The following NDUFA10 variants were observed in gnomAD, a reference collection of about 807,000 sequenced individuals.
NDUFA10 encodes the protein NADH:ubiquinone oxidoreductase subunit A10.
Under a neutral mutation model 47.8 loss-of-function variants are expected in NDUFA10, and 40 were observed. That is an observed-to-expected ratio of 0.84 (90% CI 0.65 to 1.09). The LOEUF is 1.09. NDUFA10 is among the 50% of genes least tolerant of loss of function. The pLI, the probability that NDUFA10 is intolerant of heterozygous loss-of-function variation, is 0.00. For missense variants in NDUFA10, 413 were observed against 451.1 expected (o/e 0.92, Z 0.76); for synonymous variants, 183 against 172.2 (o/e 1.06, Z -0.49).
At chr2:240,022,526 G>GT (rs1697667132) in intron 1 of NDUFA10, among the ~76,000 whole-genome samples, 186 bp from the exon 2 acceptor site, 1 of 151,216 alleles carries the variant, frequency 6.6e-6, no homozygotes, top group South Asian at 2.1e-4. Context: ...TGTAAGTTTC[G>GT]TTAAAGGCAG....
At chr2:239,896,309 G>C (rs1414298750) in intron 4 of NDUFA10, among the ~76,000 whole-genome samples, 1 of 152,248 alleles carries the variant, frequency 6.6e-6, no homozygotes, top group Non-Finnish European at 1.5e-5. Context: ...AAGGTATCAA[G>C]ATTCAGGGCA....
rs540024087 is a variant in NDUFA10, at chr2:239,916,147, A to G, written c.295-20833T>C. Reference sequence around the variant, plus strand: ...CATAGACACACACAAATATACAGACACACACAGAGAGACACACAGAGATAC... The same window carrying G: ...CATAGACACACACAAATATACAGACGCACACAGAGAGACACACAGAGATAC... On this transcript the variant is annotated intron_variant, in intron 4 of 5. Coordinates refer to the NDUFA10 transcript ENST00000419408. 4.0e-3 allele frequency among the ~76,000 whole-genome samples: 608 copies of G among 151,892 alleles called. 3 individuals carry two copies. The highest frequency in any genetic ancestry group is 0.014 in the African/African-American group (586 of 41,424).
At chr2:240,020,401 G>A (rs1015628193) in intron 3 of NDUFA10, among the ~76,000 whole-genome samples, 35 of 152,186 alleles carry the variant, frequency 2.3e-4, no homozygotes, top group African/African-American at 8.2e-4. Context: ...ACTGAGGACC[G>A]CCGTGGCATG....
intron 4 of NDUFA10, among the ~76,000 whole-genome samples, chr2:239,912,364 A>G (rs1259928842): frequency 6.6e-6 from 1 of 152,190 alleles, no homozygotes; most frequent in Non-Finnish European, 1.5e-5. Context: ...TCCAGGCTGT[A>G]GCTGATAGTC....
chr2:240,011,456 T>C (rs563341850), intron 6 of NDUFA10, among the ~76,000 whole-genome samples, 161 bp downstream of exon 6: 1 of 152,138 alleles, frequency 6.6e-6, no homozygotes, highest in South Asian at 2.1e-4. Flanking sequence ...AAAATCAAAC[T>C]GAAATGTCTC....
intron 8 of NDUFA10, among the ~76,000 whole-genome samples, chr2:240,004,646 C>T (rs980747914): frequency 1.3e-5 from 2 of 152,098 alleles, no homozygotes; most frequent in African/African-American, 4.8e-5. Context: ...GTGGCCTCCC[C>T]TCCCCACACT....
chr2:240,012,813 T>C (rs1697193503), intron 5 of NDUFA10: 1 of 152,170 alleles, frequency 6.6e-6, no homozygotes, highest in Non-Finnish European at 1.5e-5. Context: ...AAGGCAGTAA[T>C]TGGGAGTTCT....
At chr2:239,911,400 C>A (rs1693752103) in intron 4 of NDUFA10, among the ~76,000 whole-genome samples, 1 of 152,140 alleles carries the variant, frequency 6.6e-6, no homozygotes, top group Admixed American at 6.5e-5. Context: ...CTCTGCAAAC[C>A]CTGGGGGACT....
At chr2:239,909,686 G>C (rs1341367536) in intron 4 of NDUFA10, among the ~76,000 whole-genome samples, 3 of 150,488 alleles carry the variant, frequency 2.0e-5, no homozygotes, top group Non-Finnish European at 4.4e-5. Flanking sequence ...CATAGGCATG[G>C]GCAAAGATTT....
At chr2:239,947,787 G>A (rs115396009) in intron 4 of NDUFA10, among the ~76,000 whole-genome samples, 12 of 152,342 alleles carry the variant, frequency 7.9e-5, no homozygotes, top group South Asian at 2.1e-4. Context: ...CAGGAAGCAC[G>A]GGGTGGTGCC....
At chr2:239,971,925 T>C (rs1180052616) in intron 9 of NDUFA10, among the ~76,000 whole-genome samples, 2 of 152,202 alleles carry the variant, frequency 1.3e-5, no homozygotes, top group Non-Finnish European at 2.9e-5. Flanking sequence ...TAAAGGTATG[T>C]TGCTCAAGGT....
At chr2:240,000,778 A>G (rs1696677416) in intron 8 of NDUFA10, among the ~76,000 whole-genome samples, 1 of 152,224 alleles carries the variant, frequency 6.6e-6, no homozygotes, top group East Asian at 1.9e-4. Flanking sequence ...CCGTCGTGTT[A>G]CAACTGCCAA....
At chr2:240,014,597 T>C (rs911947068) in intron 5 of NDUFA10, 142 bp downstream of exon 5, 3 of 1,344,346 alleles carry the variant, frequency 2.2e-6, no homozygotes, top group Non-Finnish European at 3.2e-6. Context: ...GCAGATGCCC[T>C]CTCTCAAGTG....
intron 4 of NDUFA10, among the ~76,000 whole-genome samples, chr2:239,930,770 C>T (rs956596941): frequency 1.6e-4 from 24 of 152,036 alleles, no homozygotes; most frequent in Admixed American, 4.6e-4. Flanking sequence ...ATGGGTACAG[C>T]GAGCTCAGGA....
rs1693657866 is a variant in NDUFA10 at position 239,906,489 on chromosome 2, T to C, written c.295-11175A>G. ...GGGGCCCCCACGCCAATTCATGGAGTCCCCGCACTTATAGTGCCTCCCATT... is the reference window on the plus strand; with the variant it reads ...GGGGCCCCCACGCCAATTCATGGAGCCCCCGCACTTATAGTGCCTCCCATT... On this transcript the variant is annotated intron_variant, in intron 4 of 5. Coordinates refer to the NDUFA10 transcript ENST00000419408. This position sits in a 1 kb window ranked among gnomAD's most constrained non-coding sequence, Gnocchi z 4.3. Among the ~76,000 whole-genome samples the C allele has an allele frequency of 6.6e-6, 1 of 151,820 alleles. No individual in the cohort carries two copies. Among genetic ancestry groups the C allele is most frequent in the Non-Finnish European group, 1.5e-5 (1 of 67,988 alleles).
At position 239,959,195 on chromosome 2, in the gene NDUFA10, C is replaced by CA; in HGVS notation, c.*1922_*1923insT. 1 of 951,134 alleles carries CA rather than the reference C, an allele frequency of 1.1e-6. No homozygotes were observed. Among genetic ancestry groups the CA allele is most frequent in the Non-Finnish European group, 1.2e-6 (1 of 810,912 alleles). The allele number at this position is 951,134 out of a possible 1,614,324, so 58.9% of individuals were successfully genotyped here. A position where few individuals can be genotyped will look rare whatever the true frequency, so the allele number is the denominator to read the frequency against. On this transcript the variant is annotated 3_prime_UTR_variant, in exon 10 of 10. Coordinates refer to ENST00000252711, the MANE Select transcript of NDUFA10 (RefSeq NM_004544.4). Reference sequence around the variant, plus strand: ...GGGAATGCAACCACACAGGGTCAGACGCAAACACAGGGGATGATCAGAGCA... The same window carrying CA: ...GGGAATGCAACCACACAGGGTCAGACAGCAAACACAGGGGATGATCAGAGCA...
intron 4 of NDUFA10, among the ~76,000 whole-genome samples, chr2:239,924,894 T>C (rs1694043645): frequency 6.6e-6 from 1 of 152,166 alleles, no homozygotes; most frequent in South Asian, 2.1e-4. Flanking sequence ...GTAAAAATTA[T>C]TGTATTTCTG....
intron 9 of NDUFA10, chr2:239,969,355 T>C: frequency 4.9e-6 from 1 of 206,054 alleles, no homozygotes; most frequent in South Asian, 8.3e-5. Flanking sequence ...ATTGGATAAG[T>C]GTGGTGGCCA....
rs2106380976 is a variant in NDUFA10, at chr2:239,945,547, T to C, written c.294+44527A>G. ...GGTCAGGGCTGCAGTCTACCCCGTA[T>C]GGCCAGGCTGGGAGGATCCTGGGGG... On this transcript the variant is annotated intron_variant, in intron 4 of 5. Coordinates refer to the NDUFA10 transcript ENST00000419408. This position sits in a 1 kb window ranked among gnomAD's most constrained non-coding sequence, Gnocchi z 4.6. Among the ~76,000 whole-genome samples the C allele has an allele frequency of 6.6e-6, 1 of 152,166 alleles. No homozygotes were observed. The highest frequency in any genetic ancestry group is 2.4e-5 in the African/African-American group (1 of 41,544).
Sources: allele counts gnomAD v4.1 joint callset (sites outside exome capture counted in the v4.1 genomes callset), GRCh38; gene constraint gnomAD v4.1.1; non-coding constraint Gnocchi (gnomAD v3.1); transcripts MANE v1.5; gene names NCBI Gene and HGNC (gene_info 2026-07-23, HGNC 2026-07-21).